The following MED12L variants were observed in gnomAD, a reference collection of about 807,000 sequenced individuals.
The protein encoded by MED12L is mediator of RNA polymerase II transcription subunit 12-like protein.
A neutral mutation model predicts 281.3 loss-of-function variants in MED12L; 60 were observed. The observed-to-expected ratio is 0.21, with a 90% CI of 0.17 to 0.26. MED12L has a LOEUF of 0.26. Among genes scored for constraint, MED12L ranks in the 10% least tolerant of loss-of-function variants. MED12L has a pLI of 1.00. For missense variants in MED12L, 2,146 were observed against 2,680.9 expected (o/e 0.80, Z 4.41); for synonymous variants, 974 against 987.2 (o/e 0.99, Z 0.25).
At position 151,188,359 on chromosome 3, in the gene MED12L, T is replaced by C; in HGVS notation, c.1632T>C (p.Cys544=). The C allele has an allele frequency of 6.3e-7, 1 of 1,599,476 alleles. No homozygotes were observed. The highest frequency in any genetic ancestry group is 1.1e-5 in the South Asian group (1 of 90,706). The change falls in exon 13 of 45, where the codon TGT becomes TGC. Residue 544 remains cysteine, a synonymous_variant. Transcript: ENST00000687756. ...TATTTATTTTTAATCTGTAGAGATG[T>C]GGTGAATCAGAAGTCTTAGATGAGA... is the stretch of plus-strand genomic sequence containing the variant. ...KRQAEIEAER[C]GESEVLDEKE... is the part of the protein sequence containing the mutation.
chr3:151,305,441 G>A (rs545260107), intron 16 of MED12L, among the ~76,000 whole-genome samples: 23 of 152,218 alleles, frequency 1.5e-4, no homozygotes, highest in Admixed American at 1.3e-3. Context: ...GTAAAATGAG[G>A]TTGGTGGAAA....
At position 151,376,194 on chromosome 3, in the gene MED12L, C is replaced by A; in HGVS notation, c.4033C>A (p.His1345Asn). Reference protein sequence around the residue: ...CTEGDNLQRQHIKRILQNLEQ... With the variant: ...CTEGDNLQRQNIKRILQNLEQ... ...CGAGGGGGACAATCTGCAAAGACAG[C>A]ACATTAAGCGTATTCTTCAGGTCAG... Residue 1345 changes from histidine (H) to asparagine (N), a missense_variant, in exon 28 of 45, where the codon CAC (histidine) becomes AAC (asparagine). His to Asn is a moderately conservative substitution (Grantham distance 68). Around this residue, in one of 9 missense-constraint regions of MED12L, gnomAD observed 235 missense variants for 260.3 expected, o/e 0.90. Coordinates refer to ENST00000687756, the MANE Select transcript of MED12L (RefSeq NM_001393769.1). 1 of 1,590,052 alleles carries A rather than the reference C, an allele frequency of 6.3e-7. No individual in the cohort carries two copies. Among genetic ancestry groups the A allele is most frequent in the Non-Finnish European group, 8.5e-7 (1 of 1,170,098 alleles).
At chr3:151,399,850 AG>A (rs11346904) in intron 39 of MED12L, among the ~76,000 whole-genome samples, 37,679 of 150,586 alleles carry the variant, frequency 0.25, 4,958 homozygotes, top group South Asian at 0.38. Flanking sequence ...TTCTTGAGAC[AG>A]GGTCTCCCTC....
Position 151,317,436 on chromosome 3 carries a change from CTTTTTTTTTTTTTTTTT to C in MED12L, c.2251-32609_2251-32593del, listed in dbSNP as rs1164820615. On this transcript the variant is annotated intron_variant, in intron 16 of 44. Coordinates refer to ENST00000687756, the MANE Select transcript of MED12L (RefSeq NM_001393769.1). ...ATGACAAATTTATATAATCATATCA[CTTTTTTTTTTTTTTTTT>C]TTTTTTTTTTTTTGTGAGACGGAGT... is the stretch of plus-strand genomic sequence containing the variant. Among the ~76,000 whole-genome samples the C allele has an allele frequency of 2.8e-3, 166 of 58,758 alleles. 3 individuals carry two copies. The highest frequency in any genetic ancestry group is 9.5e-3 in the African/African-American group (149 of 15,660). The allele number at this position is 58,758 out of a possible 152,430, so 38.5% of individuals were successfully genotyped here. A position where few individuals can be genotyped will look rare whatever the true frequency, so the allele number is the denominator to read the frequency against.
chr3:151,357,442 A>T, intron 20 of MED12L, 66 bp downstream of exon 20: 1 of 1,402,150 alleles, frequency 7.1e-7, no homozygotes. Flanking sequence ...ATGAAATATT[A>T]TAGTGGCTTT....
chr3:151,286,738 A>T (rs1411016535), intron 16 of MED12L, among the ~76,000 whole-genome samples: 1 of 152,204 alleles, frequency 6.6e-6, no homozygotes, highest in Admixed American at 6.5e-5. Context: ...GTTTGCCTAC[A>T]CAGTCCCAGT....
rs2108072133 is a variant in MED12L, at chr3:151,376,872, C to T, written c.4126C>T (p.Pro1376Ser). 1 of 1,613,726 alleles carries T rather than the reference C, an allele frequency of 6.2e-7. No homozygotes were observed. The highest frequency in any genetic ancestry group is 2.2e-5 in the East Asian group (1 of 44,850). ...AATGATCAAACAGTGCTTGAAGGAC[C>T]CTGTGAGTTTATATTGAAAGCTTAT... is the stretch of plus-strand genomic sequence containing the variant. ...QLMIKQCLKDPGSGSVAEMNN... is the reference protein window; with the variant it reads ...QLMIKQCLKDSGSGSVAEMNN... The change falls in exon 29 of 45, where the codon CCT becomes TCT. Residue 1376 changes from proline to serine, a missense_variant and splice_region_variant. Around this residue, in one of 9 missense-constraint regions of MED12L, gnomAD observed 235 missense variants for 260.3 expected, o/e 0.90. Coordinates refer to ENST00000687756, the MANE Select transcript of MED12L (RefSeq NM_001393769.1).
intron 32 of MED12L, 120 bp from the exon 33 acceptor site, chr3:151,382,536 G>T: frequency 1.8e-6 from 1 of 565,250 alleles, no homozygotes; most frequent in Non-Finnish European, 3.0e-6. Flanking sequence ...ATTTTATTTA[G>T]CTTTGTTTGT....
intron 2 of MED12L, among the ~76,000 whole-genome samples, chr3:151,113,176 ATG>A (rs1265114790): frequency 6.6e-6 from 1 of 152,208 alleles, no homozygotes; most frequent in Non-Finnish European, 1.5e-5. Flanking sequence ...CTCATTGAGA[ATG>A]TGAAATTTGA....
At chr3:151,112,995 C>G (rs892784511) in intron 2 of MED12L, among the ~76,000 whole-genome samples, 2 of 152,188 alleles carry the variant, frequency 1.3e-5, no homozygotes, top group African/African-American at 2.4e-5. Context: ...AAATAAAGAT[C>G]CCCAGTTTTA....
intron 16 of MED12L, chr3:151,327,710 G>T (rs867257823): frequency 4.0e-6 from 1 of 247,660 alleles, no homozygotes; most frequent in Non-Finnish European, 7.5e-6. Context: ...TTTCCAAAAT[G>T]TTAAAGTGAA....
At chr3:151,246,230 A>G (rs567732800) in intron 16 of MED12L, among the ~76,000 whole-genome samples, 206 of 152,312 alleles carry the variant, frequency 1.4e-3, no homozygotes, top group African/African-American at 4.5e-3. Flanking sequence ...CATCCCCATC[A>G]AGCTACCAAT....
intron 16 of MED12L, among the ~76,000 whole-genome samples, chr3:151,331,258 T>A (rs1375488784): frequency 1.3e-5 from 2 of 152,208 alleles, no homozygotes; most frequent in African/African-American, 4.8e-5. Flanking sequence ...TTCCTTAGTT[T>A]ACAGCAGCAC....
At chr3:151,349,568 G>T (rs541065935) in intron 16 of MED12L, among the ~76,000 whole-genome samples, 1 of 151,674 alleles carries the variant, frequency 6.6e-6, no homozygotes, top group South Asian at 2.1e-4. Flanking sequence ...ACAGACAGGA[G>T]CCACTGCACC....
chr3:151,175,351 CTTTT>C (rs1721917815), intron 11 of MED12L, among the ~76,000 whole-genome samples: 1 of 152,050 alleles, frequency 6.6e-6, no homozygotes, highest in African/African-American at 2.4e-5. Flanking sequence ...TAAACATGTC[CTTTT>C]AGTCTAAGAT....
In MED12L at chr3:151,285,725, C is replaced by G. The variant is rs996784212; in HGVS notation, c.2251-64334C>G. ...AGAAAAAAACATATTGAAATCTAAT[C>G]CCCAATGTGTTGGTATTAAGAGGTG... On this transcript the variant is annotated intron_variant, in intron 16 of 44. Coordinates refer to ENST00000687756, the MANE Select transcript of MED12L (RefSeq NM_001393769.1). Among the ~76,000 whole-genome samples the G allele has an allele frequency of 3.9e-5, 6 of 152,046 alleles. No homozygotes were observed. In the South Asian group the frequency reaches 6.2e-4, roughly 16 times the overall value.
chr3:151,394,929 A>G (rs1714766050), intron 39 of MED12L, 62 bp downstream of exon 39: 1 of 1,604,434 alleles, frequency 6.2e-7, no homozygotes, highest in African/African-American at 1.3e-5. Context: ...GCTTGGGATA[A>G]GTTTGGGATA....
At chr3:151,282,670 A>G (rs1742975333) in intron 16 of MED12L, among the ~76,000 whole-genome samples, 1 of 152,186 alleles carries the variant, frequency 6.6e-6, no homozygotes. Context: ...TCAACTTAGT[A>G]CTGTATTAAA....
intron 16 of MED12L, chr3:151,197,922 A>G (rs1276012831): frequency 6.5e-6 from 1 of 152,686 alleles, no homozygotes; most frequent in East Asian, 1.9e-4. Flanking sequence ...TAATGAGTTG[A>G]AAGATTACCA....
Sources: allele counts gnomAD v4.1 joint callset (sites outside exome capture counted in the v4.1 genomes callset), GRCh38; gene constraint gnomAD v4.1.1; regional missense constraint gnomAD v4.1.1; transcripts MANE v1.5; gene names NCBI Gene and HGNC (gene_info 2026-07-23, HGNC 2026-07-21).